The following HGF variants were observed in gnomAD, a reference collection of about 807,000 sequenced individuals.
The protein encoded by HGF is fibroblast-derived tumor cytotoxic factor.
HGF carries 39 observed loss-of-function variants against 111.6 expected under a neutral mutation model. That is an observed-to-expected ratio of 0.35 (90% CI 0.27 to 0.46). The LOEUF is 0.46. Among genes scored for constraint, HGF ranks in the 20% least tolerant of loss-of-function variants. The pLI, the probability that HGF is intolerant of heterozygous loss-of-function variation, is 1.00. For missense variants in HGF, 735 were observed against 910.5 expected (o/e 0.81, Z 2.48); for synonymous variants, 285 against 294.8 (o/e 0.97, Z 0.34).
chr7:81,753,177 A>G (rs1277603181), intron 4 of HGF, among the ~76,000 whole-genome samples: 3 of 152,134 alleles, frequency 2.0e-5, no homozygotes, highest in African/African-American at 7.2e-5. Context: ...TGTTATTACC[A>G]GCATAAAGTA....
At chr7:81,721,241 C>T (rs572961007) in intron 9 of HGF, among the ~76,000 whole-genome samples, 24 of 150,098 alleles carry the variant, frequency 1.6e-4, no homozygotes, top group Non-Finnish European at 2.5e-4. Flanking sequence ...AGCGAGACTC[C>T]GTCTCAAAAC....
chr7:81,743,608 C>T (rs908153853), intron 6 of HGF, 137 bp from the exon 7 acceptor site: 4 of 738,182 alleles, frequency 5.4e-6, no homozygotes, highest in Admixed American at 3.8e-5. Flanking sequence ...TTTTGCCTTA[C>T]GAGGACTGCT....
chr7:81,751,079 A>G (rs1030669882), intron 5 of HGF: 55 of 981,848 alleles, frequency 5.6e-5, no homozygotes, highest in Non-Finnish European at 6.3e-5. Context: ...TCTCTGTGAC[A>G]ATTAGCTAAC....
intron 7 of HGF, chr7:81,742,703 T>C: frequency 1.4e-6 from 2 of 1,391,754 alleles, no homozygotes; most frequent in South Asian, 3.2e-5. Context: ...CGTTAAAAAA[T>C]AGTTTTTATT....
At chr7:81,769,418 G>C (rs1022928122) in intron 1 of HGF, among the ~76,000 whole-genome samples, 4 of 152,128 alleles carry the variant, frequency 2.6e-5, no homozygotes, top group Non-Finnish European at 5.9e-5. Flanking sequence ...GTACAAAGTC[G>C]TAATTTGGCT....
chr7:81,706,371 TCTC>T lies in HGF; in HGVS notation c.1670_1672del (p.Gly557del), dbSNP rs1490183638. On this transcript the variant is annotated inframe_deletion, in exon 15 of 18. Transcript: ENST00000222390. The stretch of plus-strand genomic sequence containing the variant: ...ATTGAGAACCTGTTTGCATTTCTCA[TCTC>T]CTCTTCCGTGGACATCATGAATTCC... The T allele has an allele frequency of 3.1e-6, 5 of 1,611,402 alleles. No homozygotes were observed. In the South Asian group the frequency reaches 3.3e-5, roughly 11 times the overall value.
chr7:81,762,962 A>G, intron 1 of HGF, 90 bp from the exon 2 acceptor site: 1 of 787,798 alleles, frequency 1.3e-6, no homozygotes, highest in Non-Finnish European at 2.1e-6. Flanking sequence ...ATCATCTACA[A>G]GAAAGTGATT....
intron 9 of HGF, among the ~76,000 whole-genome samples, chr7:81,721,830 G>T (rs533998998): frequency 1.3e-5 from 2 of 152,286 alleles, no homozygotes; most frequent in African/African-American, 2.4e-5. Context: ...AAAAAAATCG[G>T]TTGGGGCCTT....
Position 81,699,061 on chromosome 7 carries a change from TAAC to T in HGF, c.*3517_*3519del, listed in dbSNP as rs777658790. ...AATAATATAATCATGGTTATAAAAA[TAAC>T]AACTTTATTAACTACAGAAAGTTTA... On this transcript the variant is annotated 3_prime_UTR_variant, in exon 18 of 18. Transcript: ENST00000222390. 5.9e-4 allele frequency: 89 copies of T among 151,512 alleles called. No individual in the cohort carries two copies. The highest frequency in any genetic ancestry group is 1.9e-3 in the South Asian group (9 of 4,820). 9.4% of individuals were successfully genotyped at this position (151,512 alleles called of 1,614,324 possible).
chr7:81,766,040 A>G (rs1400945765), intron 1 of HGF, among the ~76,000 whole-genome samples: 1 of 152,208 alleles, frequency 6.6e-6, no homozygotes, highest in Non-Finnish European at 1.5e-5. Context: ...TCTGGAAGCT[A>G]TATTTCCTGA....
At chr7:81,763,950 C>T (rs983852398) in intron 1 of HGF, among the ~76,000 whole-genome samples, 1 of 152,118 alleles carries the variant, frequency 6.6e-6, no homozygotes, top group Non-Finnish European at 1.5e-5. Flanking sequence ...CACTCTGAAC[C>T]ACTGACCATG....
intron 7 of HGF, 47 bp from the exon 8 acceptor site, chr7:81,729,826 G>A: frequency 1.3e-6 from 2 of 1,580,774 alleles, no homozygotes; most frequent in Non-Finnish European, 1.7e-6. Flanking sequence ...TAAAATCTTT[G>A]AAGATGTCAT....
intron 1 of HGF, among the ~76,000 whole-genome samples, chr7:81,764,145 T>A (rs1158917227): frequency 6.6e-6 from 1 of 152,072 alleles, no homozygotes; most frequent in Non-Finnish European, 1.5e-5. Flanking sequence ...TGCACAAAAT[T>A]TGGAAATACA....
Position 81,723,644 on chromosome 7 carries a change from TAATA to T in HGF, c.1168+2242_1168+2245del, listed in dbSNP as rs1377069504. ...TGTAATTTCAGTTTTCATTTTTCTTTAATAGTGTTTTTAATATCCAGTTGGAAGA... is the reference window on the plus strand; with the variant it reads ...TGTAATTTCAGTTTTCATTTTTCTTTGTGTTTTTAATATCCAGTTGGAAGA... On this transcript the variant is annotated intron_variant, in intron 9 of 17. Transcript: ENST00000222390. 3.3e-5 allele frequency among the ~76,000 whole-genome samples: 5 copies of T among 151,156 alleles called. No homozygotes were observed. The South Asian group carries it at 8.3e-4, about 25-fold the overall frequency.
At chr7:81,720,419 C>T (rs1789822541) in intron 10 of HGF, among the ~76,000 whole-genome samples, 2 of 152,160 alleles carry the variant, frequency 1.3e-5, no homozygotes, top group South Asian at 4.1e-4. Flanking sequence ...AGTTATGTAA[C>T]TATTGTGTCA....
intron 9 of HGF, among the ~76,000 whole-genome samples, chr7:81,725,194 C>T (rs1789973913): frequency 6.6e-6 from 1 of 152,192 alleles, no homozygotes; most frequent in African/African-American, 2.4e-5. Flanking sequence ...CTTTCTCTTT[C>T]AGAGCAAAAG....
intron 7 of HGF, among the ~76,000 whole-genome samples, chr7:81,734,476 TGTG>T (rs1315219300): frequency 6.6e-6 from 1 of 152,104 alleles, no homozygotes; most frequent in Non-Finnish European, 1.5e-5. Flanking sequence ...ACTTTGCTGG[TGTG>T]GTTGTGCTGT....
At chr7:81,729,973 A>G (rs948051770) in intron 7 of HGF, among the ~76,000 whole-genome samples, 194 bp from the exon 8 acceptor site, 1 of 152,096 alleles carries the variant, frequency 6.6e-6, no homozygotes, top group African/African-American at 2.4e-5. Context: ...CCTTTCATTC[A>G]AATCCTAAAT....
At chr7:81,706,647 C>T (rs1789435831) in intron 14 of HGF, among the ~76,000 whole-genome samples, 1 of 151,982 alleles carries the variant, frequency 6.6e-6, no homozygotes, top group Non-Finnish European at 1.5e-5. Context: ...TTCTAAATGA[C>T]TATTTTAGAA....
Sources: gnomAD v4.1 joint callset for allele counts (sites outside exome capture counted in the v4.1 genomes callset) on GRCh38, gnomAD v4.1.1 for gene constraint, MANE v1.5 for transcripts, NCBI Gene and HGNC (gene_info 2026-07-23, HGNC 2026-07-21) for gene names.